Variants in UGT2B17 observed in about 807,000 individuals in gnomAD.
UGT2B17 encodes UDP-glucuronosyltransferase 2B17.
A neutral mutation model predicts 48.2 loss-of-function variants in UGT2B17; 21 were observed. The ratio of observed to expected loss-of-function variants is 0.44; its 90% CI spans 0.31 to 0.63. The LOEUF (loss-of-function observed/expected upper bound fraction) is 0.63, where lower values mean the gene tolerates loss of function less well. Among genes scored for constraint, UGT2B17 ranks in the 20% least tolerant of loss-of-function variants. The pLI is 0.08. For missense variants in UGT2B17, 402 were observed against 696.1 expected, an observed-to-expected ratio of 0.58 and a Z score of 4.75; for synonymous variants, 146 against 238.4, an observed-to-expected ratio of 0.61 and a Z score of 3.57.
In UGT2B17 at chr4:68,567,812, A is replaced by T. The variant is rs1272059787; in HGVS notation, c.673T>A (p.Phe225Ile). ...MIYMLYFDFW[F>I]QAYDLKKWDQ... is the part of the protein sequence containing the mutation. ...CACTTCTTCAGATCATATGCTTGAA[A>T]CCAAAAGTCAAAATAAAGCATATAT... Residue 225 changes from phenylalanine (F) to isoleucine (I), a missense_variant, in exon 2 of 7, where the codon TTT becomes ATT. Phe to Ile is a conservative substitution (Grantham distance 21). Coordinates refer to ENST00000317746, the MANE Select transcript of UGT2B17 (RefSeq NM_001077.4). The T allele has an allele frequency of 2.9e-6, 4 of 1,366,890 alleles. No homozygotes were observed. The highest frequency in any genetic ancestry group is 3.8e-6 in the Non-Finnish European group (4 of 1,050,486). The allele number at this position is 1,366,890 out of a possible 1,614,324, so 84.7% of individuals were successfully genotyped here. A position where few individuals can be genotyped will look rare whatever the true frequency, so the allele number is the denominator to read the frequency against.
Position 68,537,694 on chromosome 4 carries a change from C to A in UGT2B17, c.1524G>T (p.Met508Ile). 1 of 1,378,214 alleles carries A rather than the reference C, an allele frequency of 7.3e-7. No homozygotes were observed. The highest frequency in any genetic ancestry group is 9.5e-7 in the Non-Finnish European group (1 of 1,054,400). 85.4% of individuals were successfully genotyped at this position (1,378,214 alleles called of 1,614,324 possible). A position where few individuals can be genotyped will look rare whatever the true frequency, so the allele number is the denominator to read the frequency against. The change falls in exon 7 of 7, where the codon ATG (methionine) becomes ATT (isoleucine). Residue 508 changes from methionine (M) to isoleucine (I), a missense_variant. By Grantham distance (10) the Met-to-Ile change is conservative (BLOSUM62 1). Transcript: ENST00000317746. ...AACAAAACAGGCAACATTTTGTGAT[C>A]ATAAATATCATAGTTGCCACGCAGG... ...LLACVATMIF[M>I]ITKCCLFCFR...
In UGT2B17 at chr4:68,571,254, C is replaced by A. The variant is rs1348156557; in HGVS notation, c.-64-2706G>T. Among the ~76,000 whole-genome samples the A allele has an allele frequency of 4.8e-5, 6 of 125,026 alleles. 2 individuals carry two copies. Among genetic ancestry groups the A allele is most frequent in the Non-Finnish European group, 5.1e-5 (3 of 59,260 alleles). 82.0% of individuals were successfully genotyped at this position (125,026 alleles called of 152,430 possible). ...GCTTCATTTTTTTGTTCCCAGGAAGCATAGACTGGGAAGCCTAGAAGTTCA... is the reference window on the plus strand; with the variant it reads ...GCTTCATTTTTTTGTTCCCAGGAAGAATAGACTGGGAAGCCTAGAAGTTCA... On this transcript the variant is annotated intron_variant, in intron 1 of 6. Coordinates refer to ENST00000317746, the MANE Select transcript of UGT2B17 (RefSeq NM_001077.4).
At chr4:68,568,949 A>C (rs1438373881) in intron 1 of UGT2B17, among the ~76,000 whole-genome samples, 1 of 139,728 alleles carries the variant, frequency 7.2e-6, no homozygotes, top group African/African-American at 2.5e-5. Flanking sequence ...AATAATCAGT[A>C]TTATCTCCAA....
chr4:68,543,757 A>G (rs1383027114), intron 6 of UGT2B17, among the ~76,000 whole-genome samples: 2 of 125,456 alleles, frequency 1.6e-5, no homozygotes, highest in Admixed American at 8.3e-5. Flanking sequence ...GGAGCTGAAA[A>G]CCATGGCACG....
At position 68,552,439 on chromosome 4, in the gene UGT2B17, C is replaced by T. The variant is rs1159521264; in HGVS notation, c.1006-528G>A. Among the ~76,000 whole-genome samples the T allele has an allele frequency of 7.9e-5, 10 of 126,088 alleles. 3 individuals carry two copies. The South Asian group carries it at 3.3e-3, about 42-fold the overall frequency. The allele number at this position is 126,088 out of a possible 152,430, so 82.7% of individuals were successfully genotyped here. ...CCCCATTTCTGGACTGAACAAATGT[C>T]CATCTTATATAAGTTGATTGATGTC... On this transcript the variant is annotated intron_variant, in intron 4 of 6. Transcript: ENST00000317746.
intron 6 of UGT2B17, among the ~76,000 whole-genome samples, chr4:68,546,907 C>T (rs1192352219): frequency 3.2e-5 from 4 of 124,764 alleles, no homozygotes; most frequent in Non-Finnish European, 5.1e-5. Flanking sequence ...CTACAAACCA[C>T]TGCTCAAGGA....
chr4:68,557,951 T>A (rs1731031539), intron 4 of UGT2B17, among the ~76,000 whole-genome samples: 1 of 124,570 alleles, frequency 8.0e-6, no homozygotes, highest in Admixed American at 8.3e-5. Context: ...AAGTTTATTT[T>A]GGAACCCCAA....
chr4:68,557,337 G>GA (rs1482974822), intron 4 of UGT2B17, among the ~76,000 whole-genome samples: 1 of 123,822 alleles, frequency 8.1e-6, no homozygotes. Flanking sequence ...AGGTGCTCTT[G>GA]AAAAAAAGTT....
Position 68,547,616 on chromosome 4 carries a change from A to G in UGT2B17, c.1313+3061T>C, listed in dbSNP as rs1294332909. 2.6e-4 allele frequency among the ~76,000 whole-genome samples: 33 copies of G among 126,284 alleles called. 7 individuals carry two copies. The highest frequency in any genetic ancestry group is 8.4e-4 in the African/African-American group (31 of 36,930). 82.8% of individuals were successfully genotyped at this position (126,284 alleles called of 152,430 possible). On this transcript the variant is annotated intron_variant, in intron 6 of 6. Transcript: ENST00000317746. ...AAAGAGCTTCTGCACAGCAAAGGAA[A>G]CTACCATCAGATTGAACAGGCAACC...
rs1328255021 is a variant in UGT2B17, at chr4:68,567,781, T to C, written c.704A>G (p.Gln235Arg). Residue 235 changes from glutamine (Q) to arginine (R), a missense_variant, in exon 2 of 7, where the codon CAG becomes CGG. By Grantham distance (43) the Gln-to-Arg change is conservative (BLOSUM62 1). Around this residue, in one of 5 missense-constraint regions of UGT2B17, gnomAD observed 106 missense variants for 169.8 expected, o/e 0.62. Coordinates refer to ENST00000317746, the MANE Select transcript of UGT2B17 (RefSeq NM_001077.4). Reference sequence around the variant, plus strand: ...CTTACCTAGAACTTCACTATAAAACTGGTCCCACTTCTTCAGATCATATGC... The same window carrying C: ...CTTACCTAGAACTTCACTATAAAACCGGTCCCACTTCTTCAGATCATATGC... ...FQAYDLKKWD[Q>R]FYSEVLGRPT... 2 of 1,347,726 alleles carry C rather than the reference T, an allele frequency of 1.5e-6. No homozygotes were observed. Among genetic ancestry groups the C allele is most frequent in the Non-Finnish European group, 1.9e-6 (2 of 1,042,786 alleles). The allele number at this position is 1,347,726 out of a possible 1,614,324, so 83.5% of individuals were successfully genotyped here.
At chr4:68,545,848 C>T (rs1312452369) in intron 6 of UGT2B17, among the ~76,000 whole-genome samples, 1 of 125,782 alleles carries the variant, frequency 8.0e-6, no homozygotes, top group Non-Finnish European at 1.7e-5. Flanking sequence ...TTCCTCGACA[C>T]ACACACCCTC....
intron 6 of UGT2B17, among the ~76,000 whole-genome samples, chr4:68,545,048 T>C (rs1222668293): frequency 1.6e-5 from 2 of 125,012 alleles, no homozygotes; most frequent in African/African-American, 5.5e-5. Flanking sequence ...ATCCAAGAAT[T>C]GAACTCAGCT....
At chr4:68,572,489 G>T (rs1267654871) in intron 1 of UGT2B17, among the ~76,000 whole-genome samples, 2 of 125,604 alleles carry the variant, frequency 1.6e-5, no homozygotes, top group South Asian at 7.2e-4. Context: ...TAGAGTCCTC[G>T]GGCGTCCGTG....
At chr4:68,561,535 G>GA (rs1177474954) in intron 3 of UGT2B17, among the ~76,000 whole-genome samples, 1 of 123,834 alleles carries the variant, frequency 8.1e-6, no homozygotes, top group Non-Finnish European at 1.7e-5. Context: ...TACCATGAGG[G>GA]ACCCTCATCC....
At chr4:68,558,129 T>C (rs1449187801) in intron 4 of UGT2B17, among the ~76,000 whole-genome samples, 1 of 123,032 alleles carries the variant, frequency 8.1e-6, no homozygotes, top group Non-Finnish European at 1.7e-5. Context: ...CTGTATACAA[T>C]AATCAGGCCA....
rs1476875428 is a variant in UGT2B17 at position 68,547,010 on chromosome 4, T to G, written c.1313+3667A>C. Among the ~76,000 whole-genome samples the G allele has an allele frequency of 7.2e-5, 9 of 124,204 alleles. 1 individual carries two copies. The highest frequency in any genetic ancestry group is 2.5e-4 in the African/African-American group (9 of 36,412). 81.5% of individuals were successfully genotyped at this position (124,204 alleles called of 152,430 possible). A position where few individuals can be genotyped will look rare whatever the true frequency, so the allele number is the denominator to read the frequency against. ...AAAACGGCCATACTGCCCAAGGTAATTTATAGATCCAATGCCATCCCCATC... is the reference window on the plus strand; with the variant it reads ...AAAACGGCCATACTGCCCAAGGTAAGTTATAGATCCAATGCCATCCCCATC... On this transcript the variant is annotated intron_variant, in intron 6 of 6. Transcript: ENST00000317746.
intron 6 of UGT2B17, among the ~76,000 whole-genome samples, chr4:68,549,331 G>T (rs1730873978): frequency 1.1e-5 from 1 of 88,790 alleles, no homozygotes; most frequent in African/African-American, 3.2e-5. Context: ...GTTTCAAAAG[G>T]CATCCTCCAA....
In UGT2B17 at chr4:68,543,808, G is replaced by C. The variant is rs1402709032; in HGVS notation, c.1314-5904C>G. ...ATGCACAAGCCTCAGTAGCTGATTT[G>C]ATCAACTGGAAGAAACGGTATCAGT... On this transcript the variant is annotated intron_variant, in intron 6 of 6. Coordinates refer to ENST00000317746, the MANE Select transcript of UGT2B17 (RefSeq NM_001077.4). Among the ~76,000 whole-genome samples, 2 of 125,660 alleles carry C rather than the reference G, an allele frequency of 1.6e-5. 1 individual carries two copies. Among genetic ancestry groups the C allele is most frequent in the Non-Finnish European group, 3.4e-5 (2 of 59,476 alleles). 82.4% of individuals were successfully genotyped at this position (125,660 alleles called of 152,430 possible). A position where few individuals can be genotyped will look rare whatever the true frequency, so the allele number is the denominator to read the frequency against.
At chr4:68,575,873 C>T (rs1377152852) in intron 1 of UGT2B17, among the ~76,000 whole-genome samples, 78 bp downstream of exon 1, 1 of 125,934 alleles carries the variant, frequency 7.9e-6, no homozygotes, top group Non-Finnish European at 1.7e-5. Context: ...ACAAAGGTGC[C>T]AACACAGGCA....
Sources: allele counts gnomAD v4.1 joint callset (sites outside exome capture counted in the v4.1 genomes callset), GRCh38; gene constraint gnomAD v4.1.1; regional missense constraint gnomAD v4.1.1; transcripts MANE v1.5; gene names NCBI Gene and HGNC (gene_info 2026-07-23, HGNC 2026-07-21).